The following FRYL variants were observed in gnomAD, a reference collection of about 807,000 sequenced individuals.
The protein encoded by FRYL is FRY like transcription coactivator.
Under a neutral mutation model 351.2 loss-of-function variants are expected in FRYL, and 150 were observed. That is an observed-to-expected ratio of 0.43 (90% CI 0.37 to 0.49). FRYL has a LOEUF of 0.49. FRYL is among the 20% of genes least tolerant of loss of function. The probability of loss-of-function intolerance (pLI) is 0.00; values close to 1 mark genes in which losing one functional copy is unlikely to be tolerated. For synonymous variants in FRYL, 1,153 were observed against 1,257.1 expected, an observed-to-expected ratio of 0.92 and a Z score of 1.75; for missense variants, 3,036 against 3,619.3, an observed-to-expected ratio of 0.84 and a Z score of 4.13.
chr4:48,509,685 T>C (rs771517853), intron 59 of FRYL, among the ~76,000 whole-genome samples: 4 of 152,198 alleles, frequency 2.6e-5, no homozygotes, highest in East Asian at 1.9e-4. Flanking sequence ...TGCTTGCCCA[T>C]GTACATGTAC....
At chr4:48,681,139 T>A in intron 3 of FRYL, 1 of 1,198,950 alleles carries the variant, frequency 8.3e-7, no homozygotes, top group Non-Finnish European at 1.1e-6. Flanking sequence ...AAGGTTCTTC[T>A]ACATTACTAG....
At chr4:48,754,085 G>A (rs1242128630) in intron 1 of FRYL, among the ~76,000 whole-genome samples, 3 of 152,152 alleles carry the variant, frequency 2.0e-5, no homozygotes, top group South Asian at 2.1e-4. Flanking sequence ...GTGGCATTAA[G>A]TACATGCATT....
At chr4:48,761,052 G>GT (rs1318972774) in intron 1 of FRYL, among the ~76,000 whole-genome samples, 7 of 118,304 alleles carry the variant, frequency 5.9e-5, no homozygotes, top group African/African-American at 2.2e-4. Context: ...TGTGTGTGTT[G>GT]AAGAGGAAAT....
chr4:48,682,755 AAGTC>A (rs557727536), intron 3 of FRYL, among the ~76,000 whole-genome samples: 150 of 152,342 alleles, frequency 9.8e-4, no homozygotes, highest in South Asian at 3.5e-3. Context: ...GATCATTAAA[AAGTC>A]AGGAAACAAC....
Position 48,587,935 on chromosome 4 carries a change from T to C in FRYL, c.1641-1207A>G, listed in dbSNP as rs143591461. Reference sequence around the variant, plus strand: ...TACATGGTTTCAAAATGCATGAATTTCAGTTACCACACTTTAGTTAAATAA... The same window carrying C: ...TACATGGTTTCAAAATGCATGAATTCCAGTTACCACACTTTAGTTAAATAA... On this transcript the variant is annotated intron_variant, in intron 18 of 63. Transcript: ENST00000358350. Among the ~76,000 whole-genome samples, 28 of 152,342 alleles carry C rather than the reference T, an allele frequency of 1.8e-4. 1 individual carries two copies. Among genetic ancestry groups the C allele is most frequent in the African/African-American group, 6.7e-4 (28 of 41,588 alleles).
At chr4:48,573,119 G>T in intron 26 of FRYL, 67 bp downstream of exon 26, 3 of 1,197,902 alleles carry the variant, frequency 2.5e-6, no homozygotes, top group East Asian at 2.4e-5. Context: ...TCTAACTTTT[G>T]ATATAACATG....
intron 11 of FRYL, 109 bp from the exon 12 acceptor site, chr4:48,603,497 A>T: frequency 1.4e-6 from 1 of 716,172 alleles, no homozygotes; most frequent in South Asian, 1.8e-5. Flanking sequence ...TAATTCACTG[A>T]GACTCTCACT....
chr4:48,514,988 T>A (rs1297063737), intron 56 of FRYL, 40 bp downstream of exon 56: 9 of 1,542,362 alleles, frequency 5.8e-6, no homozygotes, highest in Non-Finnish European at 7.9e-6. Flanking sequence ...AGGGGAGAGA[T>A]TATCCCCTCA....
intron 50 of FRYL, 109 bp downstream of exon 50, chr4:48,531,047 G>T: frequency 1.3e-6 from 1 of 755,822 alleles, no homozygotes; most frequent in Non-Finnish European, 2.2e-6. Flanking sequence ...CTATCATATT[G>T]TCTAACACTG....
intron 3 of FRYL, among the ~76,000 whole-genome samples, chr4:48,664,852 A>C (rs1224549975): frequency 6.6e-6 from 1 of 152,216 alleles, no homozygotes; most frequent in African/African-American, 2.4e-5. Context: ...CCACTCAATA[A>C]TGAAGAGAAT....
rs371892690 is a variant in FRYL, at chr4:48,620,601, T to C, written c.314+38A>G. ...ATATCACCCCTTCATTGGAAGTGTG[T>C]TAATTCCAGGTGAAACAGTGTAAAA... On this transcript the variant is annotated intron_variant, in intron 6 of 63. Coordinates refer to ENST00000358350, the MANE Select transcript of FRYL (RefSeq NM_015030.2). 8.4e-5 allele frequency: 131 copies of C among 1,567,020 alleles called. 1 individual carries two copies. In the South Asian group the frequency reaches 1.4e-3, roughly 16 times the overall value.
chr4:48,644,013 G>A (rs146400408), intron 3 of FRYL, among the ~76,000 whole-genome samples: 3,229 of 152,060 alleles, frequency 0.021, 103 homozygotes, highest in Admixed American at 0.094. Context: ...GCACGATCTC[G>A]GCTCACTGCA....
intron 4 of FRYL, 69 bp downstream of exon 4, chr4:48,634,222 A>C: frequency 1.8e-6 from 2 of 1,133,356 alleles, no homozygotes; most frequent in Non-Finnish European, 2.6e-6. Context: ...TCCTTTGAAA[A>C]ATCTGCATTA....
At chr4:48,542,362 T>C (rs1056274239) in intron 44 of FRYL, among the ~76,000 whole-genome samples, 2 of 152,202 alleles carry the variant, frequency 1.3e-5, no homozygotes, top group African/African-American at 2.4e-5. Context: ...GAACCATCCT[T>C]GTTTCTTTCA....
intron 47 of FRYL, among the ~76,000 whole-genome samples, chr4:48,536,972 G>T (rs1434224771): frequency 2.0e-5 from 3 of 152,110 alleles, no homozygotes; most frequent in Non-Finnish European, 4.4e-5. Flanking sequence ...TACCTGGGAA[G>T]TTATTTTATA....
chr4:48,582,750 T>C lies in FRYL; in HGVS notation c.1749-16A>G, dbSNP rs760584285. ...AATTGTGAGCCTACCAAGAACAAAA[T>C]TCCATTAGCAAACTTCAATACCTTT... is the stretch of plus-strand genomic sequence containing the variant. On this transcript the variant is annotated splice_polypyrimidine_tract_variant and intron_variant, in intron 19 of 63. Transcript: ENST00000358350. The C allele has an allele frequency of 6.4e-7, 1 of 1,569,600 alleles. No individual in the cohort carries two copies. Among genetic ancestry groups the C allele is most frequent in the Admixed American group, 1.7e-5 (1 of 59,720 alleles).
At chr4:48,610,703 TACA>T (rs1320329709) in intron 7 of FRYL, among the ~76,000 whole-genome samples, 5 of 145,668 alleles carry the variant, frequency 3.4e-5, no homozygotes, top group African/African-American at 1.2e-4. Flanking sequence ...ATATATTATA[TACA>T]TATATATTAT....
At chr4:48,585,282 A>G (rs990339752) in intron 19 of FRYL, among the ~76,000 whole-genome samples, 1 of 152,220 alleles carries the variant, frequency 6.6e-6, no homozygotes, top group Non-Finnish European at 1.5e-5. Flanking sequence ...CGAAGGGAAC[A>G]AATTTATATA....
Position 48,588,830 on chromosome 4 carries a change from T to C in FRYL, c.1640+915A>G, listed in dbSNP as rs566359544. On this transcript the variant is annotated intron_variant, in intron 18 of 63. Transcript: ENST00000358350. ...GAGAGGGTGCTCTCTATCTCAAAGA[T>C]CCTAAATTAAAGCACACTGAAATAG... Among the ~76,000 whole-genome samples the C allele has an allele frequency of 6.4e-4, 97 of 151,914 alleles. 1 individual carries two copies. The highest frequency in any genetic ancestry group is 1.1e-3 in the Non-Finnish European group (76 of 67,954).
Sources: allele counts gnomAD v4.1 joint callset (sites outside exome capture counted in the v4.1 genomes callset), GRCh38; gene constraint gnomAD v4.1.1; transcripts MANE v1.5; gene names NCBI Gene and HGNC (gene_info 2026-07-23, HGNC 2026-07-21).